The following TRDN variants were observed in gnomAD, a reference collection of about 807,000 sequenced individuals.
The protein encoded by TRDN is triadin in skeletal muscle.
In TRDN, 161 loss-of-function variants were observed where a neutral mutation model predicts 149.7. The observed-to-expected ratio is 1.08, with a 90% confidence interval of 0.95 to 1.23. The LOEUF (loss-of-function observed/expected upper bound fraction) is 1.23. Ranked by LOEUF, TRDN falls within the 50% of genes most tolerant of loss-of-function variation. The probability of loss-of-function intolerance (pLI) is 0.00; values close to 1 mark genes in which losing one functional copy is unlikely to be tolerated. For missense variants in TRDN, 896 were observed against 823.5 expected (o/e 1.09, Z -1.08); for synonymous variants, 294 against 250.5 (o/e 1.17, Z -1.64).
intron 2 of TRDN, among the ~76,000 whole-genome samples, chr6:123,553,343 C>G (rs1334068077): frequency 2.0e-5 from 3 of 152,106 alleles, no homozygotes; most frequent in Admixed American, 2.0e-4. Flanking sequence ...TACCCTTATG[C>G]TTTCCTTCCA....
chr6:123,217,772 G>T lies in TRDN; in HGVS notation c.*829C>A, dbSNP rs996961962. 6.6e-6 allele frequency: 1 copy of T among 151,994 alleles called. No homozygotes were observed. Among genetic ancestry groups the T allele is most frequent in the African/African-American group, 2.4e-5 (1 of 41,426 alleles). 9.4% of individuals were successfully genotyped at this position (151,994 alleles called of 1,614,324 possible). On this transcript the variant is annotated 3_prime_UTR_variant, in exon 41 of 41. Coordinates refer to ENST00000334268, the MANE Select transcript of TRDN (RefSeq NM_006073.4). ...TTTATATTTGTCACCCAAATTTAGT[G>T]ATTGATCTAAAATTTCACCCAGGTG... is the stretch of plus-strand genomic sequence containing the variant.
At chr6:123,459,155 T>G (rs945552020) in intron 10 of TRDN, among the ~76,000 whole-genome samples, 2 of 152,198 alleles carry the variant, frequency 1.3e-5, no homozygotes, top group Non-Finnish European at 2.9e-5. Context: ...AGTTGTCCAC[T>G]GCAGATTACC....
At chr6:123,476,627 G>C in intron 9 of TRDN, among the ~76,000 whole-genome samples, 1 of 148,094 alleles carries the variant, frequency 6.8e-6, no homozygotes, top group Non-Finnish European at 1.5e-5. Flanking sequence ...AAAGAACAAA[G>C]CTGGAGGCAT....
chr6:123,610,309 A>G (rs1784736727), intron 1 of TRDN, among the ~76,000 whole-genome samples: 1 of 152,178 alleles, frequency 6.6e-6, no homozygotes, highest in Non-Finnish European at 1.5e-5. Flanking sequence ...TTCTTCCCTT[A>G]AAACAGGTCC....
chr6:123,349,627 G>A (rs544690702), intron 21 of TRDN: 366 of 912,616 alleles, frequency 4.0e-4, no homozygotes, highest in South Asian at 2.0e-3. Flanking sequence ...GATTTTAAAT[G>A]TAAAATTGTT....
chr6:123,452,978 GC>G (rs1424917206), intron 10 of TRDN, among the ~76,000 whole-genome samples: 1 of 147,640 alleles, frequency 6.8e-6, no homozygotes, highest in Non-Finnish European at 1.5e-5. Context: ...CTTCGAAAAA[GC>G]AAACAAAAAC....
intron 12 of TRDN, among the ~76,000 whole-genome samples, chr6:123,414,660 C>A (rs1582989867): frequency 6.6e-6 from 1 of 152,052 alleles, no homozygotes; most frequent in Non-Finnish European, 1.5e-5. Context: ...AGAGTTAAGT[C>A]TTAAAACACA....
At chr6:123,536,571 C>A (rs1409672066) in intron 4 of TRDN, among the ~76,000 whole-genome samples, 1 of 151,724 alleles carries the variant, frequency 6.6e-6, no homozygotes, top group Admixed American at 6.6e-5. Flanking sequence ...CAACGATTGG[C>A]CAGGTGCAGT....
At chr6:123,449,397 G>C (rs981367195) in intron 10 of TRDN, among the ~76,000 whole-genome samples, 15 of 152,062 alleles carry the variant, frequency 9.9e-5, no homozygotes, top group African/African-American at 3.4e-4. Context: ...GGAAACTTTG[G>C]ACACACTTTT....
At chr6:123,634,894 T>C (rs1481299062) in intron 1 of TRDN, among the ~76,000 whole-genome samples, 1 of 152,032 alleles carries the variant, frequency 6.6e-6, no homozygotes, top group African/African-American at 2.4e-5. Flanking sequence ...AATGTAATTA[T>C]TTTTATGGGT....
rs1784383364 is a variant in TRDN at position 123,603,685 on chromosome 6, A to G, written c.23-32553T>C. ...AATTTTTAAAGATTTGAGATTCTTT[A>G]TACTTTGCTTACTGCCATTGTCCAT... is the stretch of plus-strand genomic sequence containing the variant. On this transcript the variant is annotated intron_variant, in intron 1 of 40. Transcript: ENST00000334268. Among the ~76,000 whole-genome samples the G allele has an allele frequency of 2.0e-5, 3 of 152,254 alleles. No individual in the cohort carries two copies. The South Asian group carries it at 6.2e-4, about 32-fold the overall frequency.
intron 20 of TRDN, among the ~76,000 whole-genome samples, chr6:123,354,899 A>C (rs2114309723): frequency 6.6e-6 from 1 of 151,836 alleles, no homozygotes; most frequent in East Asian, 1.9e-4. Flanking sequence ...TTGTAACAAT[A>C]AAATAAAATA....
At position 123,244,416 on chromosome 6, in the gene TRDN, C is replaced by T. The variant is rs150637097; in HGVS notation, c.1975+7996G>A. ...GAAGAACATAAATGACTGATGGAGC[C>T]GAAAAACACAGCACGAGAATTTCCT... On this transcript the variant is annotated intron_variant, in intron 38 of 40. Coordinates refer to ENST00000334268, the MANE Select transcript of TRDN (RefSeq NM_006073.4). Among the ~76,000 whole-genome samples the T allele has an allele frequency of 9.7e-4, 148 of 151,824 alleles. No homozygotes were observed. In the East Asian group the frequency reaches 0.021, roughly 21 times the overall value.
intron 1 of TRDN, among the ~76,000 whole-genome samples, chr6:123,583,378 A>C (rs1783237549): frequency 6.6e-6 from 1 of 152,062 alleles, no homozygotes; most frequent in Non-Finnish European, 1.5e-5. Context: ...TCTATACAGG[A>C]GCTCAAATGG....
chr6:123,590,253 T>C (rs1783714504), intron 1 of TRDN, among the ~76,000 whole-genome samples: 1 of 152,208 alleles, frequency 6.6e-6, no homozygotes, highest in South Asian at 2.1e-4. Context: ...GCAGCGGCAT[T>C]AGATTCTCAT....
chr6:123,290,683 G>A (rs943566159), intron 24 of TRDN, among the ~76,000 whole-genome samples: 2 of 152,208 alleles, frequency 1.3e-5, no homozygotes, highest in Middle Eastern at 3.2e-3. Context: ...GAATGTCAAT[G>A]TCTGCTGGGC....
chr6:123,325,182 T>C (rs1301081764), intron 23 of TRDN, among the ~76,000 whole-genome samples: 1 of 152,110 alleles, frequency 6.6e-6, no homozygotes, highest in Non-Finnish European at 1.5e-5. Context: ...TTTTTAGTGG[T>C]TATTAAGTCT....
intron 4 of TRDN, among the ~76,000 whole-genome samples, chr6:123,536,850 T>C (rs911737166): frequency 6.6e-6 from 1 of 151,948 alleles, no homozygotes; most frequent in East Asian, 1.9e-4. Context: ...TGACACTGCA[T>C]TTCCGCCTGG....
chr6:123,318,409 C>T (rs1779113313), intron 23 of TRDN, among the ~76,000 whole-genome samples: 2 of 152,086 alleles, frequency 1.3e-5, no homozygotes, highest in Non-Finnish European at 2.9e-5. Context: ...CTGAAACTTA[C>T]GGAAGTTAGT....
Sources: allele counts gnomAD v4.1 joint callset (sites outside exome capture counted in the v4.1 genomes callset), GRCh38; gene constraint gnomAD v4.1.1; transcripts MANE v1.5; gene names NCBI Gene and HGNC (gene_info 2026-07-23, HGNC 2026-07-21).